The following ATG2A variants were observed in gnomAD, a reference collection of about 807,000 sequenced individuals.
ATG2A encodes autophagy related 2A.
Under a neutral mutation model 214.2 loss-of-function variants are expected in ATG2A, and 103 were observed. The observed-to-expected ratio is 0.48, with a 90% CI of 0.41 to 0.57. The LOEUF (loss-of-function observed/expected upper bound fraction) is 0.57, where lower values mean the gene tolerates loss of function less well. Among genes scored for constraint, ATG2A ranks in the 20% least tolerant of loss-of-function variants. The pLI is 0.00. For synonymous variants in ATG2A, 1,160 were observed against 1,142.1 expected (o/e 1.02, Z -0.32); for missense variants, 2,312 against 2,613.2 (o/e 0.88, Z 2.51).
Position 64,916,973 on chromosome 11 carries a change from C to T in ATG2A, c.163G>A (p.Glu55Lys). The change falls in exon 1 of 41, where the codon GAA becomes AAA. Residue 55 changes from glutamate (E) to lysine (K), a missense_variant. Glu to Lys is a moderately conservative substitution (Grantham distance 56). Transcript: ENST00000377264. ...GSVALRDIHL[E>K]IWSVNEVLES... ...CGGGCCTGGCTCCTCACCCAGATTT[C>T]CAGGTGGATGTCTCGCAGGGCAACG... 1.2e-6 allele frequency: 2 copies of T among 1,613,432 alleles called. No individual in the cohort carries two copies.
Position 64,902,504 on chromosome 11 carries a change from C to G in ATG2A, c.3777+12G>C, listed in dbSNP as rs556980647. ...AGCTCTGGTAGCCTGTGTGGCCAGG[C>G]CTCACCTGTACCTTCTGGCCGGCGA... On this transcript the variant is annotated intron_variant, in intron 27 of 40. Transcript: ENST00000377264. 2 of 1,543,446 alleles carry G rather than the reference C, an allele frequency of 1.3e-6. No individual in the cohort carries two copies. The highest frequency in any genetic ancestry group is 2.7e-5 in the African/African-American group (2 of 72,894).
In ATG2A at chr11:64,905,920, C is replaced by T. The variant is rs984097333; in HGVS notation, c.3265-72G>A. The stretch of plus-strand genomic sequence containing the variant: ...CTCCCTCCTCTAACCCCTCCCTGTC[C>T]TGGCCCCTGCCTGGCACCTCACCTT... On this transcript the variant is annotated intron_variant, in intron 22 of 40. Coordinates refer to ENST00000377264, the MANE Select transcript of ATG2A (RefSeq NM_015104.3). 2.0e-6 allele frequency: 3 copies of T among 1,490,966 alleles called. No individual in the cohort carries two copies. The African/African-American group carries it at 4.1e-5, about 21-fold the overall frequency. 92.4% of individuals were successfully genotyped at this position (1,490,966 alleles called of 1,614,324 possible). A position where few individuals can be genotyped will look rare whatever the true frequency, so the allele number is the denominator to read the frequency against.
rs539780951 is a variant in ATG2A at position 64,902,558 on chromosome 11, G to A, written c.3735C>T (p.Pro1245=). The change falls in exon 27 of 41, where the codon CCC becomes CCT. Residue 1245 remains proline, a synonymous_variant. Transcript: ENST00000377264. The stretch of plus-strand genomic sequence containing the variant: ...CCGTGGGGCTGGGGGGCCGGGGTGG[G>A]GGGTGCAGATCGCCTGTGCTCATTA... ...QYVMSTGDLH[P]PPRPPSPTEI... is the part of the protein sequence containing the mutation. The A allele has an allele frequency of 1.3e-6, 2 of 1,561,850 alleles. No individual in the cohort carries two copies. Among genetic ancestry groups the A allele is most frequent in the African/African-American group, 1.4e-5 (1 of 73,508 alleles).
chr11:64,908,929 A>T (rs1415914829), intron 16 of ATG2A, 62 bp downstream of exon 16: 18 of 1,530,872 alleles, frequency 1.2e-5, no homozygotes, highest in Non-Finnish European at 1.5e-5. Flanking sequence ...GGTGGCTCCT[A>T]CGGCAGGAAC....
At position 64,913,707 on chromosome 11, in the gene ATG2A, C is replaced by T; in HGVS notation, c.590+114G>A. ...CTCCCCAACCCTACCACCACCGAGG[C>T]CCATCCAGATCCACCCTGCCTCTTC... is the stretch of plus-strand genomic sequence containing the variant. On this transcript the variant is annotated intron_variant, in intron 4 of 40. Transcript: ENST00000377264. This position sits in a 1 kb window ranked among gnomAD's most constrained non-coding sequence, Gnocchi z 4.3. 1 of 1,094,848 alleles carries T rather than the reference C, an allele frequency of 9.1e-7. No individual in the cohort carries two copies. Among genetic ancestry groups the T allele is most frequent in the Non-Finnish European group, 1.3e-6 (1 of 744,832 alleles). 67.8% of individuals were successfully genotyped at this position (1,094,848 alleles called of 1,614,324 possible).
rs756258724 is a variant in ATG2A, at chr11:64,906,510, G to A, written c.3007C>T (p.Pro1003Ser). Residue 1003 changes from proline (P) to serine (S), a missense_variant, in exon 21 of 41, where the codon CCC becomes TCC. Transcript: ENST00000377264. The stretch of plus-strand genomic sequence containing the variant: ...AAACTGGGAAGGTCCAGGTGACTGG[G>A]CAGCGGGTAGTCATCCACGGCCGCT... ...HRAAVDDYPLPSHLDLPSFAP... is the reference protein window; with the variant it reads ...HRAAVDDYPLSSHLDLPSFAP... 2.5e-6 allele frequency: 4 copies of A among 1,613,184 alleles called. No individual in the cohort carries two copies. In the South Asian group the frequency reaches 4.4e-5, roughly 18 times the overall value.
chr11:64,896,679 C>G, intron 38 of ATG2A, 63 bp from the exon 39 acceptor site: 3 of 1,606,678 alleles, frequency 1.9e-6, no homozygotes, highest in South Asian at 2.2e-5. Flanking sequence ...TCCTCTTATT[C>G]CCAATGGCAG....
Position 64,911,027 on chromosome 11 carries a change from C to T in ATG2A, c.1466+11G>A, listed in dbSNP as rs1280473196. The T allele has an allele frequency of 3.1e-6, 5 of 1,613,904 alleles. No homozygotes were observed. The highest frequency in any genetic ancestry group is 1.3e-5 in the African/African-American group (1 of 75,054). On this transcript the variant is annotated intron_variant, in intron 10 of 40. Coordinates refer to ENST00000377264, the MANE Select transcript of ATG2A (RefSeq NM_015104.3). Reference sequence around the variant, plus strand: ...ATGGTCTCTCCTCAGGCCCTGGCCTCGGGCTTATACCGAACATGGCTACAG... The same window carrying T: ...ATGGTCTCTCCTCAGGCCCTGGCCTTGGGCTTATACCGAACATGGCTACAG...
chr11:64,913,744 G>A lies in ATG2A; in HGVS notation c.590+77C>T. 1 of 1,428,960 alleles carries A rather than the reference G, an allele frequency of 7.0e-7. No homozygotes were observed. Among genetic ancestry groups the A allele is most frequent in the Admixed American group, 1.7e-5 (1 of 58,640 alleles). The allele number at this position is 1,428,960 out of a possible 1,614,324, so 88.5% of individuals were successfully genotyped here. The stretch of plus-strand genomic sequence containing the variant: ...CACCCTGCCTCTTCCCAGGAACCTA[G>A]GCTGCGGGTGGGGACCATCCAGCAG... On this transcript the variant is annotated intron_variant, in intron 4 of 40. Coordinates refer to ENST00000377264, the MANE Select transcript of ATG2A (RefSeq NM_015104.3). The surrounding 1 kb of genome is among the most constrained non-coding windows in gnomAD (Gnocchi z 4.3).
intron 9 of ATG2A, 138 bp from the exon 10 acceptor site, chr11:64,911,413 C>A: frequency 1.2e-6 from 1 of 857,658 alleles, no homozygotes; most frequent in Non-Finnish European, 1.8e-6. Flanking sequence ...CTTGGTCAGG[C>A]AGGGGTGACA....
In ATG2A at chr11:64,912,328, T is replaced by C; in HGVS notation, c.921A>G (p.Thr307=). 1.5e-6 allele frequency: 2 copies of C among 1,324,596 alleles called. No individual in the cohort carries two copies. Among genetic ancestry groups the C allele is most frequent in the South Asian group, 2.3e-5 (2 of 86,568 alleles). 82.1% of individuals were successfully genotyped at this position (1,324,596 alleles called of 1,614,324 possible). A position where few individuals can be genotyped will look rare whatever the true frequency, so the allele number is the denominator to read the frequency against. ...CCCCATGCCACCCAGGGGCCTCACC[T>C]GTAAGGCTCACGGCGCTGAGCAGTT... is the stretch of plus-strand genomic sequence containing the variant. The part of the protein sequence containing the change: ...LQELLSAVSL[T]DHEGLADKLN... The change falls in exon 7 of 41, where the codon ACA becomes ACG. Residue 307 remains threonine, a splice_region_variant and synonymous_variant. Coordinates refer to ENST00000377264, the MANE Select transcript of ATG2A (RefSeq NM_015104.3).
chr11:64,900,409 T>G, intron 31 of ATG2A, 85 bp downstream of exon 31: 2 of 1,591,240 alleles, frequency 1.3e-6, no homozygotes, highest in Non-Finnish European at 1.7e-6. Context: ...TTCCTCTGCA[T>G]TAGTCATTGC....
At position 64,913,078 on chromosome 11, in the gene ATG2A, A is replaced by G. The variant is rs1944837355; in HGVS notation, c.785T>C (p.Met262Thr). 1.9e-6 allele frequency: 3 copies of G among 1,573,608 alleles called. No individual in the cohort carries two copies. Among genetic ancestry groups the G allele is most frequent in the African/African-American group, 1.4e-5 (1 of 73,758 alleles). ...GGCCTCATTTTGCTTCAACTTCACCATCAGCTCCATGTACCCTGAGCAGCT... is the reference window on the plus strand; with the variant it reads ...GGCCTCATTTTGCTTCAACTTCACCGTCAGCTCCATGTACCCTGAGCAGCT... Reference protein sequence around the residue: ...IGSCSGYMELMVKLKQNEAFP... With the variant: ...IGSCSGYMELTVKLKQNEAFP... Residue 262 changes from methionine (M) to threonine (T), a missense_variant, in exon 6 of 41, where the codon ATG becomes ACG. Coordinates refer to ENST00000377264, the MANE Select transcript of ATG2A (RefSeq NM_015104.3). This position sits in a 1 kb window ranked among gnomAD's most constrained non-coding sequence, Gnocchi z 4.3.
rs1944129048 is a variant in ATG2A at position 64,895,776 on chromosome 11, T to A, written c.5428-334A>T. ...TGCACGCCTGAGACTGACCGCTCCT[T>A]GCCTGGCCCCCCAGACGCCCCTGCC... On this transcript the variant is annotated intron_variant, in intron 39 of 40. Transcript: ENST00000377264. The surrounding 1 kb of genome is among the most constrained non-coding windows in gnomAD (Gnocchi z 5.0). Among the ~76,000 whole-genome samples the A allele has an allele frequency of 6.6e-6, 1 of 152,146 alleles. No individual in the cohort carries two copies. Among genetic ancestry groups the A allele is most frequent in the Non-Finnish European group, 1.5e-5 (1 of 68,020 alleles).
Position 64,911,896 on chromosome 11 carries a change from A to T in ATG2A, c.1174T>A (p.Ser392Thr), listed in dbSNP as rs1422156394. The T allele has an allele frequency of 6.2e-7, 1 of 1,613,572 alleles. No individual in the cohort carries two copies. The highest frequency in any genetic ancestry group is 8.5e-7 in the Non-Finnish European group (1 of 1,179,866). Residue 392 changes from serine (S) to threonine (T), a missense_variant, in exon 9 of 41, where the codon TCT becomes ACT. Physicochemically the swap from Ser to Thr is moderately conservative, Grantham distance 58. Transcript: ENST00000377264. ...LSLSDVDLAS[S>T]VRSDMASRRL... ...CGGGAGGCCATGTCGCTGCGCACAG[A>T]GGAGGCCAGGTCTACATCGGAGAGG... is the stretch of plus-strand genomic sequence containing the variant.
chr11:64,902,088 C>T lies in ATG2A; in HGVS notation c.3993G>A (p.Gly1331=). The change falls in exon 29 of 41, where the codon GGG becomes GGA. Residue 1331 remains glycine (G), a synonymous_variant. Coordinates refer to ENST00000377264, the MANE Select transcript of ATG2A (RefSeq NM_015104.3). ...ATGACCCTAAGCTGCCAGCAGGGCCCCCGACAGGTGGTGAAGGGGGTGGGG... is the reference window on the plus strand; with the variant it reads ...ATGACCCTAAGCTGCCAGCAGGGCCTCCGACAGGTGGTGAAGGGGGTGGGG... The part of the protein sequence containing the change: ...SGAPPPSPPV[G]GPAGSLGSCS... 1 of 1,613,994 alleles carries T rather than the reference C, an allele frequency of 6.2e-7. No homozygotes were observed. The highest frequency in any genetic ancestry group is 8.5e-7 in the Non-Finnish European group (1 of 1,180,012).
chr11:64,900,532 G>A lies in ATG2A; in HGVS notation c.4426C>T (p.Arg1476Trp), dbSNP rs970063407. 1.2e-6 allele frequency: 2 copies of A among 1,613,374 alleles called. No homozygotes were observed. The highest frequency in any genetic ancestry group is 1.7e-6 in the Non-Finnish European group (2 of 1,180,004). Residue 1476 changes from arginine to tryptophan, a missense_variant, in exon 31 of 41, where the codon CGG (arginine) becomes TGG (tryptophan). Transcript: ENST00000377264. Reference protein sequence around the residue: ...NSWRTQGGSGRQHHVLMEIQL... With the variant: ...NSWRTQGGSGWQHHVLMEIQL... Reference sequence around the variant, plus strand: ...ATCTCCATGAGGACATGGTGCTGCCGCCCGCTGCCCCCCTGCGTGCGCCAT... The same window carrying A: ...ATCTCCATGAGGACATGGTGCTGCCACCCGCTGCCCCCCTGCGTGCGCCAT...
Position 64,898,722 on chromosome 11 carries a change from G to C in ATG2A, c.4585C>G (p.Arg1529Gly). 6.2e-7 allele frequency: 1 copy of C among 1,614,098 alleles called. No individual in the cohort carries two copies. Among genetic ancestry groups the C allele is most frequent in the Non-Finnish European group, 8.5e-7 (1 of 1,180,024 alleles). The change falls in exon 32 of 41, where the codon CGA (arginine) becomes GGA (glycine). Residue 1529 changes from arginine to glycine, a missense_variant. Physicochemically the swap from Arg to Gly is moderately radical, Grantham distance 125 (BLOSUM62 -2). Coordinates refer to ENST00000377264, the MANE Select transcript of ATG2A (RefSeq NM_015104.3). This position sits in a 1 kb window ranked among gnomAD's most constrained non-coding sequence, Gnocchi z 4.5. ...QVFIVQELEV[R>G]DRLASSQINK... ...ATCTGGGAGGAGGCGAGCCGGTCTC[G>C]GACCTCCAGCTCCTGCACGATGAAC...
chr11:64,911,954 T>A lies in ATG2A; in HGVS notation c.1116A>T (p.Thr372=). Residue 372 remains threonine, a synonymous_variant, in exon 9 of 41, where the codon ACA becomes ACT. Coordinates refer to ENST00000377264, the MANE Select transcript of ATG2A (RefSeq NM_015104.3). The part of the protein sequence containing the change: ...TDLFFSMAGL[T]SSVASALSEL... ...CAGAGAGGGCTGAGGCCACACTGCT[T>A]GTGAGGCCAGCCATGGAGAAGAAGA... 1 of 1,613,698 alleles carries A rather than the reference T, an allele frequency of 6.2e-7. No individual in the cohort carries two copies. Among genetic ancestry groups the A allele is most frequent in the East Asian group, 2.2e-5 (1 of 44,868 alleles).
Sources: allele counts gnomAD v4.1 joint callset (sites outside exome capture counted in the v4.1 genomes callset), GRCh38; gene constraint gnomAD v4.1.1; non-coding constraint Gnocchi (gnomAD v3.1); transcripts MANE v1.5; gene names NCBI Gene and HGNC (gene_info 2026-07-23, HGNC 2026-07-21).